The following PSD3 variants were observed in gnomAD, a reference collection of about 807,000 sequenced individuals.
PSD3 encodes the protein pleckstrin and Sec7 domain containing 3, also known as PH and SEC7 domain-containing protein 3.
Under a neutral mutation model 105.5 loss-of-function variants are expected in PSD3, and 49 were observed. The ratio of observed to expected loss-of-function variants is 0.46; its 90% CI spans 0.37 to 0.59. PSD3 has a LOEUF of 0.59. Ranked by LOEUF, PSD3 falls within the 20% of genes least tolerant of loss-of-function variation. The pLI, the probability that PSD3 is intolerant of heterozygous loss-of-function variation, is 0.00. For missense variants in PSD3, 1,561 were observed against 1,263.8 expected (o/e 1.24, Z -3.57); for synonymous variants, 557 against 457.8 (o/e 1.22, Z -2.77).
chr8:18,528,558 C>G lies in PSD3; in HGVS notation c.*7185G>C, dbSNP rs1799517010. The G allele has an allele frequency of 6.6e-6, 1 of 152,238 alleles. No homozygotes were observed. Among genetic ancestry groups the G allele is most frequent in the African/African-American group, 2.4e-5 (1 of 41,432 alleles). The allele number at this position is 152,238 out of a possible 1,614,324, so 9.4% of individuals were successfully genotyped here. A position where few individuals can be genotyped will look rare whatever the true frequency, so the allele number is the denominator to read the frequency against. On this transcript the variant is annotated 3_prime_UTR_variant, in exon 16 of 16. Transcript: ENST00000327040. ...TGAAACCCAGGCTGTCCTTGCTGCT[C>G]AGTAGAAGCCTGAGTGAAGTGGCGG... is the stretch of plus-strand genomic sequence containing the variant.
At chr8:18,934,534 CCGAGTAGCTG>C (rs1326181400) in intron 2 of PSD3, among the ~76,000 whole-genome samples, 19 of 152,138 alleles carry the variant, frequency 1.2e-4, no homozygotes, top group African/African-American at 4.6e-4. Flanking sequence ...CCTCAGCCTC[CCGAGTAGCTG>C]TGACTACAGG....
At chr8:18,764,901 T>G (rs1031936424) in intron 9 of PSD3, among the ~76,000 whole-genome samples, 2 of 152,192 alleles carry the variant, frequency 1.3e-5, no homozygotes, top group Non-Finnish European at 2.9e-5. Flanking sequence ...AATTCCAAAG[T>G]TGATTTTGTT....
At chr8:18,575,328 A>T (rs1335929135) in intron 12 of PSD3, 43 bp from the exon 13 acceptor site, 30 of 1,481,608 alleles carry the variant, frequency 2.0e-5, no homozygotes, top group Non-Finnish European at 2.7e-5. Flanking sequence ...AATCACGATC[A>T]GATTTCAACT....
chr8:19,050,783 A>C (rs1828501910), intron 1 of PSD3, among the ~76,000 whole-genome samples: 1 of 152,116 alleles, frequency 6.6e-6, no homozygotes. Flanking sequence ...ACATGTATAC[A>C]TATGTAACTA....
At chr8:19,065,056 TA>T (rs780631460) in intron 1 of PSD3, among the ~76,000 whole-genome samples, 1 of 152,226 alleles carries the variant, frequency 6.6e-6, no homozygotes, top group East Asian at 1.9e-4. Flanking sequence ...CAGCAACCAC[TA>T]GGAAGGGGTG....
intron 4 of PSD3, among the ~76,000 whole-genome samples, chr8:18,806,998 G>A (rs188882107): frequency 1.1e-4 from 16 of 152,000 alleles, no homozygotes; most frequent in Middle Eastern, 3.4e-3. Context: ...CCAAACCACC[G>A]GATTTTATAC....
At chr8:18,672,540 G>C (rs1799842196) in intron 9 of PSD3, among the ~76,000 whole-genome samples, 1 of 152,168 alleles carries the variant, frequency 6.6e-6, no homozygotes, top group Non-Finnish European at 1.5e-5. Flanking sequence ...TTCATAAACA[G>C]GAAAATTTGC....
chr8:18,758,366 C>G (rs1806230517), intron 9 of PSD3, among the ~76,000 whole-genome samples: 1 of 150,152 alleles, frequency 6.7e-6, no homozygotes, highest in Non-Finnish European at 1.5e-5. Flanking sequence ...TTCTCCCTGG[C>G]TGAAAGGGGT....
chr8:18,945,634 T>C (rs915523321), intron 1 of PSD3, among the ~76,000 whole-genome samples: 2 of 152,222 alleles, frequency 1.3e-5, no homozygotes, highest in Non-Finnish European at 2.9e-5. Flanking sequence ...TATACACAAA[T>C]ACACACTTTA....
chr8:18,659,069 AG>A (rs1026705419), intron 9 of PSD3, among the ~76,000 whole-genome samples: 4 of 152,160 alleles, frequency 2.6e-5, no homozygotes, highest in African/African-American at 9.7e-5. Context: ...CGTGGCTAGG[AG>A]AAAGTTCTAT....
At chr8:19,065,994 G>C (rs537623936) in intron 1 of PSD3, among the ~76,000 whole-genome samples, 1 of 152,260 alleles carries the variant, frequency 6.6e-6, no homozygotes, top group Non-Finnish European at 1.5e-5. Flanking sequence ...TTTTTTAAGA[G>C]TTCTATGCTG....
At chr8:19,022,544 A>G (rs1827396736) in intron 1 of PSD3, among the ~76,000 whole-genome samples, 1 of 152,208 alleles carries the variant, frequency 6.6e-6, no homozygotes, top group Non-Finnish European at 1.5e-5. Flanking sequence ...CCTAGTCCCT[A>G]TCCCAAAGCG....
intron 9 of PSD3, among the ~76,000 whole-genome samples, chr8:18,716,719 T>C (rs865868276): frequency 1.3e-4 from 20 of 152,224 alleles, no homozygotes; most frequent in South Asian, 2.1e-4. Flanking sequence ...TAATAGACCA[T>C]TGTAGTTCTA....
rs958956046 is a variant in PSD3 at position 18,530,460 on chromosome 8, G to T, written c.*5283C>A. ...TATTTCTTCCAAGTCAAGCGAGTAC[G>T]GATGCGGCACCACGAGAGTGGTTTG... On this transcript the variant is annotated 3_prime_UTR_variant, in exon 16 of 16. Transcript: ENST00000327040. 3 of 152,538 alleles carry T rather than the reference G, an allele frequency of 2.0e-5. No individual in the cohort carries two copies. Among genetic ancestry groups the T allele is most frequent in the Non-Finnish European group, 4.4e-5 (3 of 68,044 alleles). 9.4% of individuals were successfully genotyped at this position (152,538 alleles called of 1,614,324 possible).
intron 1 of PSD3, among the ~76,000 whole-genome samples, chr8:18,981,452 G>A (rs1353078884): frequency 7.2e-5 from 11 of 152,166 alleles, no homozygotes; most frequent in African/African-American, 2.4e-5. Flanking sequence ...CAACATCCCT[G>A]TGTCTTTGGA....
intron 1 of PSD3, among the ~76,000 whole-genome samples, chr8:18,989,838 A>G (rs13248600): frequency 0.31 from 46,803 of 152,102 alleles, 7,415 homozygotes; most frequent in Non-Finnish European, 0.35. Flanking sequence ...GCTAGAATCA[A>G]TGGTGAAGAA....
intron 1 of PSD3, among the ~76,000 whole-genome samples, chr8:19,068,551 A>G (rs568110934): frequency 1.8e-4 from 28 of 152,250 alleles, no homozygotes; most frequent in Middle Eastern, 3.4e-3. Flanking sequence ...TCGGCCTCCC[A>G]AGGTGCTGGG....
intron 9 of PSD3, among the ~76,000 whole-genome samples, chr8:18,750,407 AGTT>A (rs1236240893): frequency 6.6e-6 from 1 of 151,376 alleles, no homozygotes; most frequent in Non-Finnish European, 1.5e-5. Flanking sequence ...GCGCGTCTGG[AGTT>A]GTTCGTTCCT....
intron 12 of PSD3, among the ~76,000 whole-genome samples, chr8:18,582,814 A>ATTT (rs1563345708): frequency 1.3e-5 from 1 of 76,928 alleles, no homozygotes; most frequent in African/African-American, 5.1e-5. Context: ...AGCCACACTG[A>ATTT]TCTTTTTTTT....
Sources: gnomAD v4.1 joint callset for allele counts (sites outside exome capture counted in the v4.1 genomes callset) on GRCh38, gnomAD v4.1.1 for gene constraint, MANE v1.5 for transcripts, NCBI Gene and HGNC (gene_info 2026-07-23, HGNC 2026-07-21) for gene names.